The following TAFA2 variants were observed in gnomAD, a reference collection of about 807,000 sequenced individuals.
TAFA2 encodes the protein chemokine-like protein TAFA-2.
TAFA2 carries 7 observed loss-of-function variants against 18.8 expected under a neutral mutation model. That is an observed-to-expected ratio of 0.37 (90% CI 0.21 to 0.70). The LOEUF (loss-of-function observed/expected upper bound fraction) is 0.70, where lower values mean the gene tolerates loss of function less well. Among genes scored for constraint, TAFA2 ranks in the 30% least tolerant of loss-of-function variants. TAFA2 has a pLI of 0.53. For synonymous variants in TAFA2, 60 were observed against 54.2 expected (o/e 1.11, Z -0.47); for missense variants, 122 against 158.1 (o/e 0.77, Z 1.23).
intron 1 of TAFA2, among the ~76,000 whole-genome samples, chr12:62,153,430 T>C (rs1451270789): frequency 1.3e-5 from 2 of 151,942 alleles, no homozygotes; most frequent in Admixed American, 6.6e-5. Flanking sequence ...TGGGAGACAA[T>C]GGTGGGAGGA....
At chr12:61,967,222 A>G (rs1310076987) in intron 1 of TAFA2, among the ~76,000 whole-genome samples, 1 of 151,948 alleles carries the variant, frequency 6.6e-6, no homozygotes, top group African/African-American at 2.4e-5. Context: ...AATTCAACCA[A>G]GAGATACTGA....
chr12:61,782,852 G>A (rs1870563490), intron 2 of TAFA2, among the ~76,000 whole-genome samples: 1 of 151,654 alleles, frequency 6.6e-6, no homozygotes. Flanking sequence ...AGGTGAAGCA[G>A]ATATAATTAT....
chr12:62,007,069 C>G (rs1244523049), intron 1 of TAFA2, among the ~76,000 whole-genome samples: 10 of 152,140 alleles, frequency 6.6e-5, no homozygotes, highest in African/African-American at 2.4e-4. Flanking sequence ...CCTGTGTGAT[C>G]TGTCACCTGG....
At chr12:61,786,395 A>G (rs1222062020) in intron 2 of TAFA2, among the ~76,000 whole-genome samples, 5 of 151,638 alleles carry the variant, frequency 3.3e-5, no homozygotes, top group African/African-American at 4.8e-5. Context: ...AATACCAAGC[A>G]GTCAAAAAAG....
intron 1 of TAFA2, chr12:62,104,605 A>G: frequency 2.5e-6 from 1 of 399,426 alleles, no homozygotes; most frequent in Non-Finnish European, 5.0e-6. Flanking sequence ...ATTCCAGAGA[A>G]TGAAAGAAAT....
intron 1 of TAFA2, among the ~76,000 whole-genome samples, chr12:61,919,770 C>A (rs893403716): frequency 5.3e-5 from 8 of 151,630 alleles, no homozygotes; most frequent in African/African-American, 7.3e-5. Context: ...TTGTCAATTT[C>A]TACATTTATC....
intron 1 of TAFA2, among the ~76,000 whole-genome samples, chr12:62,125,260 T>G (rs760251264): frequency 6.6e-6 from 1 of 151,988 alleles, no homozygotes; most frequent in African/African-American, 2.4e-5. Context: ...CTTAGAAATA[T>G]CCAGGGACTG....
In TAFA2 at chr12:62,221,262, G is replaced by T. The variant is rs57317554; in HGVS notation, c.-130+37501C>A. 3.6e-3 allele frequency among the ~76,000 whole-genome samples: 508 copies of T among 142,764 alleles called. 2 individuals carry two copies. The highest frequency in any genetic ancestry group is 6.1e-3 in the Admixed American group (88 of 14,458). The allele number at this position is 142,764 out of a possible 152,430, so 93.7% of individuals were successfully genotyped here. A position where few individuals can be genotyped will look rare whatever the true frequency, so the allele number is the denominator to read the frequency against. ...GGAAGGAAGGAAGGAAGGAAGGAAG[G>T]AAGTTTGAAAGAAAAGAAACAAAAA... On this transcript the variant is annotated intron_variant, in intron 1 of 5. Transcript: ENST00000551619.
At chr12:61,771,624 A>G (rs1870026775) in intron 2 of TAFA2, among the ~76,000 whole-genome samples, 1 of 152,020 alleles carries the variant, frequency 6.6e-6, no homozygotes, top group South Asian at 2.1e-4. Flanking sequence ...TTGCCCCTGA[A>G]TGATTGTTGA....
chr12:61,828,324 T>A (rs1872597593), intron 2 of TAFA2, among the ~76,000 whole-genome samples: 1 of 151,934 alleles, frequency 6.6e-6, no homozygotes, highest in Non-Finnish European at 1.5e-5. Flanking sequence ...TGTTACTTGC[T>A]GTTTTGTTAC....
At chr12:61,899,113 T>G (rs1403553223) in intron 1 of TAFA2, among the ~76,000 whole-genome samples, 1 of 152,178 alleles carries the variant, frequency 6.6e-6, no homozygotes, top group Non-Finnish European at 1.5e-5. Context: ...TGGACTTCAT[T>G]GTCCATACCA....
intron 4 of TAFA2, among the ~76,000 whole-genome samples, chr12:61,722,288 G>A (rs954407235): frequency 6.6e-6 from 1 of 152,146 alleles, no homozygotes; most frequent in African/African-American, 2.4e-5. Flanking sequence ...AAATATTTGT[G>A]TTATTGAGTA....
At chr12:62,110,785 T>A (rs898493742) in intron 1 of TAFA2, among the ~76,000 whole-genome samples, 1 of 152,080 alleles carries the variant, frequency 6.6e-6, no homozygotes, top group Non-Finnish European at 1.5e-5. Flanking sequence ...CATAGAGGTG[T>A]TTATAGTATT....
intron 1 of TAFA2, among the ~76,000 whole-genome samples, chr12:61,872,311 T>G (rs201926430): frequency 6.6e-6 from 1 of 152,284 alleles, no homozygotes; most frequent in East Asian, 1.9e-4. Context: ...GGGAATATTT[T>G]TTTAAGTCTT....
Position 61,932,419 on chromosome 12 carries a change from C to T in TAFA2, c.-1-64993G>A, listed in dbSNP as rs188628237. Among the ~76,000 whole-genome samples the T allele has an allele frequency of 1.6e-3, 238 of 152,264 alleles. 1 individual carries two copies. The highest frequency in any genetic ancestry group is 5.4e-3 in the African/African-American group (225 of 41,556). On this transcript the variant is annotated intron_variant, in intron 1 of 4. Transcript: ENST00000416284. The stretch of plus-strand genomic sequence containing the variant: ...GAAAAGTGAAAAGTGGAAGGTGAAA[C>T]AGCAAGGAGAGGCATAATATCATCC...
At chr12:61,973,599 C>T (rs913057081) in intron 1 of TAFA2, among the ~76,000 whole-genome samples, 7 of 151,540 alleles carry the variant, frequency 4.6e-5, no homozygotes, top group Non-Finnish European at 1.0e-4. Flanking sequence ...TCTCAATCCC[C>T]TAGGGTGAGG....
intron 2 of TAFA2, among the ~76,000 whole-genome samples, chr12:61,790,753 C>T (rs1870941410): frequency 6.6e-6 from 1 of 151,680 alleles, no homozygotes; most frequent in Non-Finnish European, 1.5e-5. Flanking sequence ...TGTTCATGAA[C>T]TTGAAGAATT....
chr12:61,995,232 T>G (rs138685155), intron 1 of TAFA2, among the ~76,000 whole-genome samples: 1 of 152,304 alleles, frequency 6.6e-6, no homozygotes, highest in African/African-American at 2.4e-5. Flanking sequence ...GACACAATAG[T>G]CTTTCCTTAG....
intron 1 of TAFA2, among the ~76,000 whole-genome samples, chr12:61,998,847 G>A (rs534098564): frequency 3.7e-4 from 57 of 152,352 alleles, no homozygotes; most frequent in African/African-American, 1.3e-3. Flanking sequence ...ACCAACTGCA[G>A]GGAAGGCACA....
Sources: gnomAD v4.1 joint callset for allele counts (sites outside exome capture counted in the v4.1 genomes callset) on GRCh38, gnomAD v4.1.1 for gene constraint, MANE v1.5 for transcripts, NCBI Gene and HGNC (gene_info 2026-07-23, HGNC 2026-07-21) for gene names.